SLCO1B3: variants seen among roughly 807,000 people sequenced by gnomAD.
SLCO1B3 encodes the protein liver-specific organic anion transporter 2.
In SLCO1B3, 72 loss-of-function variants were observed where a neutral mutation model predicts 71.8. The observed-to-expected ratio is 1.00, with a 90% CI of 0.83 to 1.22. SLCO1B3 has a LOEUF of 1.22. Ranked by LOEUF, SLCO1B3 falls within the 50% of genes most tolerant of loss-of-function variation. SLCO1B3 has a pLI of 0.00. For synonymous variants in SLCO1B3, 298 were observed against 278.4 expected (o/e 1.07, Z -0.70); for missense variants, 911 against 819.7 (o/e 1.11, Z -1.36).
intron 15 of SLCO1B3, among the ~76,000 whole-genome samples, chr12:20,902,591 C>T (rs1280414174): frequency 1.3e-5 from 2 of 151,978 alleles, no homozygotes; most frequent in South Asian, 2.1e-4. Context: ...AACAAAACTA[C>T]CTGTAAGTGA....
intron 2 of SLCO1B3, 47 bp from the exon 3 acceptor site, chr12:20,815,627 T>C: frequency 1.5e-6 from 1 of 670,554 alleles, no homozygotes; most frequent in Non-Finnish European, 2.5e-6. Context: ...ATTTTTAAAT[T>C]GTATATTGTT....
At chr12:20,853,379 G>T (rs1390324854) in intron 3 of SLCO1B3, among the ~76,000 whole-genome samples, 1 of 151,742 alleles carries the variant, frequency 6.6e-6, no homozygotes, top group Non-Finnish European at 1.5e-5. Context: ...TATCTTTTTT[G>T]GAAGTATTTG....
At chr12:20,811,832 G>A (rs1864114665) in intron 1 of SLCO1B3, among the ~76,000 whole-genome samples, 1 of 151,340 alleles carries the variant, frequency 6.6e-6, no homozygotes, top group African/African-American at 2.4e-5. Flanking sequence ...CCACAATGAA[G>A]TAAAAAGTGT....
At chr12:20,872,501 T>G (rs893703322) in intron 8 of SLCO1B3, among the ~76,000 whole-genome samples, 3 of 151,256 alleles carry the variant, frequency 2.0e-5, no homozygotes, top group African/African-American at 7.3e-5. Context: ...ACAGAAGGAG[T>G]CTTTCACCGC....
intron 9 of SLCO1B3, 46 bp downstream of exon 9, chr12:20,875,523 T>C (rs750076005): frequency 1.9e-6 from 3 of 1,564,860 alleles, no homozygotes; most frequent in Non-Finnish European, 2.6e-6. Flanking sequence ...TTAATCTCAA[T>C]GAAACGGAGA....
intron 15 of SLCO1B3, among the ~76,000 whole-genome samples, chr12:20,907,471 T>C (rs1440273730): frequency 8.9e-6 from 1 of 112,158 alleles, no homozygotes; most frequent in Non-Finnish European, 1.8e-5. Context: ...CCCTTCCCCT[T>C]CCCCTTCCCC....
At chr12:20,850,201 T>C (rs1469302910) in intron 3 of SLCO1B3, among the ~76,000 whole-genome samples, 3 of 151,002 alleles carry the variant, frequency 2.0e-5, no homozygotes, top group African/African-American at 7.3e-5. Context: ...GTTAGTTATA[T>C]AGGTAAATTG....
chr12:20,845,422 G>A lies in SLCO1B3; in HGVS notation c.85-9606G>A, dbSNP rs115377768. ...CATCCCAAGACCTACTTTGAACTGA[G>A]TAAGAAGCTCACCTGTGACTACCGC... On this transcript the variant is annotated intron_variant, in intron 3 of 15. Transcript: ENST00000381545. Among the ~76,000 whole-genome samples, 969 of 152,254 alleles carry A rather than the reference G, an allele frequency of 6.4e-3. 6 individuals are homozygous for A. Among genetic ancestry groups the A allele is most frequent in the African/African-American group, 0.021 (883 of 41,528 alleles).
In SLCO1B3 at chr12:20,898,510, A is replaced by T; in HGVS notation, c.1747+10A>T. ...GTTATAAGAACACTAGGTATGACAA[A>T]TATATAGATTATACATTTTAACATA... On this transcript the variant is annotated intron_variant, in intron 14 of 15. Transcript: ENST00000381545. 7.1e-7 allele frequency: 1 copy of T among 1,405,950 alleles called. No individual in the cohort carries two copies. 87.1% of individuals were successfully genotyped at this position (1,405,950 alleles called of 1,614,324 possible). A position where few individuals can be genotyped will look rare whatever the true frequency, so the allele number is the denominator to read the frequency against.
chr12:20,891,062 ATTAT>A (rs1191973936), intron 13 of SLCO1B3, among the ~76,000 whole-genome samples: 1 of 152,110 alleles, frequency 6.6e-6, no homozygotes, highest in African/African-American at 2.4e-5. Context: ...AATATTGTTA[ATTAT>A]TTCTTAATTG....
In SLCO1B3 at chr12:20,897,498, ATATACT is replaced by A. The variant is rs556721086; in HGVS notation, c.1683-936_1683-931del. Reference sequence around the variant, plus strand: ...AACTGAGGCTAAGAGAGATTAAGTGATATACTTCTACAAGTCATTTGGATGAGAGAA... The same window carrying A: ...AACTGAGGCTAAGAGAGATTAAGTGATCTACAAGTCATTTGGATGAGAGAA... On this transcript the variant is annotated intron_variant, in intron 13 of 15. Transcript: ENST00000381545. Among the ~76,000 whole-genome samples the A allele has an allele frequency of 4.3e-4, 65 of 152,276 alleles. No homozygotes were observed. In the Middle Eastern group the frequency reaches 0.02, roughly 48 times the overall value.
chr12:20,855,228 T>TG, intron 4 of SLCO1B3, 59 bp downstream of exon 4: 1 of 1,413,310 alleles, frequency 7.1e-7, no homozygotes. Context: ...AACAAACTGT[T>TG]CATGCATGCT....
intron 8 of SLCO1B3, among the ~76,000 whole-genome samples, chr12:20,873,819 T>C (rs1865524987): frequency 6.6e-6 from 1 of 152,152 alleles, no homozygotes; most frequent in South Asian, 2.1e-4. Flanking sequence ...GTTTATGTCT[T>C]CTCAGTGTTC....
At chr12:20,869,661 G>A (rs1389054712) in intron 8 of SLCO1B3, among the ~76,000 whole-genome samples, 2 of 152,082 alleles carry the variant, frequency 1.3e-5, no homozygotes, top group South Asian at 4.1e-4. Flanking sequence ...CATATTGCAG[G>A]ATGTCCTTTC....
intron 3 of SLCO1B3, among the ~76,000 whole-genome samples, chr12:20,852,741 G>A (rs932291832): frequency 1.3e-5 from 2 of 151,920 alleles, no homozygotes; most frequent in Non-Finnish European, 2.9e-5. Context: ...ATGTTCATTG[G>A]TAGTGCATAG....
At chr12:20,911,391 G>A (rs769150449) in intron 15 of SLCO1B3, among the ~76,000 whole-genome samples, 25 of 152,038 alleles carry the variant, frequency 1.6e-4, no homozygotes, top group Middle Eastern at 3.2e-3. Flanking sequence ...GAGATGTATC[G>A]CTCTGTAGTT....
At chr12:20,824,797 CTAT>C (rs1321596530) in intron 3 of SLCO1B3, among the ~76,000 whole-genome samples, 2 of 151,964 alleles carry the variant, frequency 1.3e-5, no homozygotes, top group Non-Finnish European at 2.9e-5. Flanking sequence ...TTCCGGTGAC[CTAT>C]TATTAATAAA....
intron 8 of SLCO1B3, among the ~76,000 whole-genome samples, chr12:20,874,504 A>C (rs977162823): frequency 2.6e-5 from 4 of 152,146 alleles, no homozygotes; most frequent in African/African-American, 9.7e-5. Context: ...TATCTTGCTG[A>C]TATCTCATGG....
At chr12:20,888,486 G>A (rs1397447104) in intron 13 of SLCO1B3, among the ~76,000 whole-genome samples, 1 of 151,756 alleles carries the variant, frequency 6.6e-6, no homozygotes, top group African/African-American at 2.4e-5. Flanking sequence ...TTGATTTTGA[G>A]CTTGATCATT....
Sources: allele counts gnomAD v4.1 joint callset (sites outside exome capture counted in the v4.1 genomes callset), GRCh38; gene constraint gnomAD v4.1.1; transcripts MANE v1.5; gene names NCBI Gene and HGNC (gene_info 2026-07-23, HGNC 2026-07-21).